The following NRG1 variants were observed in gnomAD, a reference collection of about 807,000 sequenced individuals.
NRG1 encodes neuregulin 1, also known as pro-neuregulin-1, membrane-bound isoform.
A neutral mutation model predicts 63.8 loss-of-function variants in NRG1; 18 were observed. The observed-to-expected ratio is 0.28, with a 90% CI of 0.19 to 0.42. The LOEUF (loss-of-function observed/expected upper bound fraction) is 0.42. NRG1 is among the 10% of genes least tolerant of loss of function. The pLI is 1.00. For synonymous variants in NRG1, 302 were observed against 301.3 expected (o/e 1.00, Z -0.02); for missense variants, 762 against 814.7 (o/e 0.94, Z 0.79).
intron 1 of NRG1, among the ~76,000 whole-genome samples, chr8:31,725,289 T>G (rs140764927): frequency 6.6e-6 from 1 of 152,172 alleles, no homozygotes; most frequent in African/African-American, 2.4e-5. Context: ...GACTCCAGGC[T>G]CTCTCTCTGA....
chr8:32,343,224 A>G (rs750380869), intron 1 of NRG1, among the ~76,000 whole-genome samples: 5 of 152,224 alleles, frequency 3.3e-5, no homozygotes, highest in Non-Finnish European at 5.9e-5. Flanking sequence ...AGAAATGTAC[A>G]TAATTAATAT....
At chr8:31,988,931 A>G (rs977730479) in intron 1 of NRG1, among the ~76,000 whole-genome samples, 1 of 151,926 alleles carries the variant, frequency 6.6e-6, no homozygotes, top group Non-Finnish European at 1.5e-5. Flanking sequence ...TTTGTTGACG[A>G]TGACTTTCTG....
intron 1 of NRG1, among the ~76,000 whole-genome samples, chr8:32,578,735 G>A (rs1244754826): frequency 6.6e-6 from 1 of 152,102 alleles, no homozygotes; most frequent in Non-Finnish European, 1.5e-5. Context: ...CAATAGATTT[G>A]CTGCAGACTT....
chr8:31,644,666 C>G (rs768570658), intron 1 of NRG1, among the ~76,000 whole-genome samples: 17 of 152,066 alleles, frequency 1.1e-4, no homozygotes, highest in Admixed American at 3.9e-4. Context: ...CAAATATAAT[C>G]TATTCATTCT....
chr8:32,252,480 G>C (rs924089550), intron 1 of NRG1, among the ~76,000 whole-genome samples: 1 of 152,062 alleles, frequency 6.6e-6, no homozygotes, highest in African/African-American at 2.4e-5. Flanking sequence ...GTTTTTGTCA[G>C]GTTTGTAAAA....
intron 1 of NRG1, among the ~76,000 whole-genome samples, chr8:32,270,096 C>T (rs1851389400): frequency 6.6e-6 from 1 of 152,164 alleles, no homozygotes; most frequent in Non-Finnish European, 1.5e-5. Context: ...TGTTAAATGC[C>T]ACTGTGATTC....
At chr8:32,555,565 G>A (rs973855308) in intron 1 of NRG1, among the ~76,000 whole-genome samples, 3 of 152,138 alleles carry the variant, frequency 2.0e-5, no homozygotes, top group African/African-American at 7.2e-5. Context: ...TCCGCCTCCC[G>A]GGTTCACGCC....
chr8:31,959,381 G>T (rs1222912872), intron 1 of NRG1, among the ~76,000 whole-genome samples: 1 of 152,136 alleles, frequency 6.6e-6, no homozygotes, highest in African/African-American at 2.4e-5. Context: ...CCACATTCCA[G>T]TGCCAGGCTC....
intron 1 of NRG1, among the ~76,000 whole-genome samples, chr8:31,855,305 G>A (rs1585282572): frequency 1.3e-5 from 2 of 152,156 alleles, no homozygotes; most frequent in Admixed American, 1.3e-4. Context: ...CCTGTATTGG[G>A]TGCATATATG....
intron 1 of NRG1, among the ~76,000 whole-genome samples, chr8:32,434,460 A>G (rs886697563): frequency 6.6e-6 from 1 of 152,318 alleles, no homozygotes; most frequent in Non-Finnish European, 1.5e-5. Flanking sequence ...CCTATACTTT[A>G]CATGTGACAG....
At chr8:31,974,233 A>G (rs1000459832) in intron 1 of NRG1, among the ~76,000 whole-genome samples, 2 of 152,090 alleles carry the variant, frequency 1.3e-5, no homozygotes, top group Admixed American at 6.6e-5. Context: ...TGATCCTATC[A>G]TGGTTCATTT....
chr8:32,076,720 T>TAAA (rs5890619), intron 1 of NRG1, among the ~76,000 whole-genome samples: 5 of 147,784 alleles, frequency 3.4e-5, no homozygotes, highest in Non-Finnish European at 4.5e-5. Context: ...TGAACTTAAG[T>TAAA]AAAAAAAAAA....
At chr8:31,995,693 A>G (rs532582921) in intron 1 of NRG1, among the ~76,000 whole-genome samples, 1 of 151,718 alleles carries the variant, frequency 6.6e-6, no homozygotes, top group Non-Finnish European at 1.5e-5. Context: ...CAGATAAACT[A>G]TTTCCTTCTA....
intron 1 of NRG1, among the ~76,000 whole-genome samples, chr8:32,574,552 C>G (rs542525152): frequency 1.5e-4 from 23 of 152,198 alleles, no homozygotes; most frequent in African/African-American, 5.5e-4. Flanking sequence ...TTGGTGCTGT[C>G]CTCATGATAA....
At chr8:32,609,449 G>T (rs1352304399) in intron 3 of NRG1, among the ~76,000 whole-genome samples, 1 of 151,672 alleles carries the variant, frequency 6.6e-6, no homozygotes, top group Non-Finnish European at 1.5e-5. Flanking sequence ...CTTTCTACTG[G>T]GTTTATAAAT....
chr8:31,838,728 A>G (rs192616347), intron 1 of NRG1, among the ~76,000 whole-genome samples: 71 of 152,166 alleles, frequency 4.7e-4, no homozygotes, highest in Admixed American at 2.5e-3. Flanking sequence ...CATCAAAGCT[A>G]TTGACTTGTA....
chr8:32,331,598 A>G (rs1409239912), intron 1 of NRG1, among the ~76,000 whole-genome samples: 2 of 152,170 alleles, frequency 1.3e-5, no homozygotes, highest in Admixed American at 6.5e-5. Context: ...ATTTCTTTAC[A>G]AAGAGAAGGT....
At chr8:32,277,478 C>T (rs2129472918) in intron 1 of NRG1, among the ~76,000 whole-genome samples, 1 of 152,280 alleles carries the variant, frequency 6.6e-6, no homozygotes, top group South Asian at 2.1e-4. Flanking sequence ...AAGTCTTGTT[C>T]ACTTTGAATT....
At chr8:32,052,038 G>A (rs1026581654) in intron 1 of NRG1, among the ~76,000 whole-genome samples, 2 of 152,180 alleles carry the variant, frequency 1.3e-5, no homozygotes, top group Admixed American at 6.5e-5. Flanking sequence ...CAAGTAGGAG[G>A]AAGAGCAGTT....
Sources: gnomAD v4.1 joint callset for allele counts (sites outside exome capture counted in the v4.1 genomes callset) on GRCh38, gnomAD v4.1.1 for gene constraint, MANE v1.5 for transcripts, NCBI Gene and HGNC (gene_info 2026-07-23, HGNC 2026-07-21) for gene names.